Variants in EPC2 observed in about 807,000 individuals in gnomAD.
The protein encoded by EPC2 is enhancer of polycomb homolog 2.
EPC2 carries 14 observed loss-of-function variants against 92.1 expected under a neutral mutation model. The ratio of observed to expected loss-of-function variants is 0.15; its 90% CI spans 0.10 to 0.24. The LOEUF (loss-of-function observed/expected upper bound fraction) is 0.24. EPC2 is among the 10% of genes least tolerant of loss of function. The pLI is 1.00. For missense variants in EPC2, 755 were observed against 971.5 expected, an observed-to-expected ratio of 0.78 and a Z score of 2.96; for synonymous variants, 340 against 334.7, an observed-to-expected ratio of 1.02 and a Z score of -0.17.
At chr2:148,735,741 G>C (rs1318225469) in intron 2 of EPC2, among the ~76,000 whole-genome samples, 2 of 151,766 alleles carry the variant, frequency 1.3e-5, no homozygotes, top group East Asian at 3.9e-4. Flanking sequence ...AATACTGTTA[G>C]AATAATATCA....
chr2:148,648,388 A>G (rs1683849705), intron 1 of EPC2, among the ~76,000 whole-genome samples: 1 of 152,244 alleles, frequency 6.6e-6, no homozygotes, highest in Non-Finnish European at 1.5e-5. Context: ...ATTTCTAAGC[A>G]GCAGTAAAAT....
In EPC2 at chr2:148,785,341, C is replaced by A. The variant is rs1400880405; in HGVS notation, c.2351+340C>A. Among the ~76,000 whole-genome samples the A allele has an allele frequency of 5.3e-5, 8 of 152,008 alleles. No homozygotes were observed. The East Asian group carries it at 1.5e-3, about 29-fold the overall frequency. On this transcript the variant is annotated intron_variant, in intron 13 of 13. Transcript: ENST00000258484. ...ACTCTTCCCCCCACTGCCCGCCCCA[C>A]CCCCGAGATGGAGTCTTGCTGTCTT...
Position 148,691,524 on chromosome 2 carries a change from C to G in EPC2, c.313+1151C>G. Reference sequence around the variant, plus strand: ...TGCTTTTCATTGATTCTGAGATGCACTGTTTTCATCTTTGCAGTGAAATTG... The same window carrying G: ...TGCTTTTCATTGATTCTGAGATGCAGTGTTTTCATCTTTGCAGTGAAATTG... On this transcript the variant is annotated intron_variant, in intron 2 of 13. Coordinates refer to ENST00000258484, the MANE Select transcript of EPC2 (RefSeq NM_015630.4). 3 of 1,550,188 alleles carry G rather than the reference C, an allele frequency of 1.9e-6. No homozygotes were observed. In the African/African-American group the frequency reaches 4.1e-5, roughly 21 times the overall value.
chr2:148,726,123 A>G (rs952809213), intron 2 of EPC2, among the ~76,000 whole-genome samples: 1 of 152,164 alleles, frequency 6.6e-6, no homozygotes, highest in African/African-American at 2.4e-5. Context: ...TCCATGTTGT[A>G]AACAAGATTT....
intron 3 of EPC2, among the ~76,000 whole-genome samples, chr2:148,748,813 C>G (rs926734614): frequency 6.6e-6 from 1 of 150,612 alleles, no homozygotes; most frequent in Non-Finnish European, 1.5e-5. Flanking sequence ...TGTTGGGACT[C>G]AAAAAAAAAT....
At chr2:148,746,956 A>C (rs1682996796) in intron 3 of EPC2, among the ~76,000 whole-genome samples, 1 of 152,180 alleles carries the variant, frequency 6.6e-6, no homozygotes, top group Non-Finnish European at 1.5e-5. Context: ...AGTTTTCTAA[A>C]TATTTGAGAT....
At chr2:148,674,581 G>C (rs890708544) in intron 1 of EPC2, among the ~76,000 whole-genome samples, 4 of 152,174 alleles carry the variant, frequency 2.6e-5, no homozygotes, top group Admixed American at 2.0e-4. Flanking sequence ...GTGGACCCCA[G>C]GTATCCAAAG....
intron 2 of EPC2, chr2:148,691,780 G>A: frequency 2.7e-6 from 2 of 738,644 alleles, no homozygotes; most frequent in Middle Eastern, 4.6e-4. Context: ...CTACCTAAGG[G>A]CAAGTTGAGA....
intron 2 of EPC2, among the ~76,000 whole-genome samples, chr2:148,730,758 C>G (rs1682602097): frequency 6.6e-6 from 1 of 152,192 alleles, no homozygotes; most frequent in African/African-American, 2.4e-5. Context: ...TTAAATACTT[C>G]TTAGTTCATA....
chr2:148,716,753 A>G (rs1682270354), intron 2 of EPC2, among the ~76,000 whole-genome samples: 2 of 152,284 alleles, frequency 1.3e-5, no homozygotes, highest in African/African-American at 2.4e-5. Context: ...TGCAGGCCTT[A>G]TGGAATGAAC....
intron 1 of EPC2, among the ~76,000 whole-genome samples, chr2:148,664,671 C>T (rs1681024514): frequency 6.6e-6 from 1 of 152,200 alleles, no homozygotes; most frequent in South Asian, 2.1e-4. Flanking sequence ...AAACGCTCAT[C>T]TGCTTTCTGT....
chr2:148,711,202 T>C (rs1015704231), intron 2 of EPC2, among the ~76,000 whole-genome samples: 7 of 152,140 alleles, frequency 4.6e-5, no homozygotes, highest in Non-Finnish European at 8.8e-5. Context: ...TCCTAATATA[T>C]GCAGTCAGTC....
rs776431126 is a variant in EPC2, at chr2:148,761,973, A to C, written c.815+43A>C. On this transcript the variant is annotated intron_variant, in intron 5 of 13. Transcript: ENST00000258484. ...ACAACAGTAAAATGACAACTTTACC[A>C]AATGATGGGCAAAATGAACCAAAAG... is the stretch of plus-strand genomic sequence containing the variant. The C allele has an allele frequency of 3.3e-6, 5 of 1,511,010 alleles. No individual in the cohort carries two copies. The Admixed American group carries it at 1.3e-4, about 38-fold the overall frequency. The allele number at this position is 1,511,010 out of a possible 1,614,324, so 93.6% of individuals were successfully genotyped here.
At chr2:148,723,955 A>G (rs903252008) in intron 2 of EPC2, among the ~76,000 whole-genome samples, 9 of 152,082 alleles carry the variant, frequency 5.9e-5, no homozygotes, top group Non-Finnish European at 1.3e-4. Flanking sequence ...TGTTTTAAAA[A>G]TGTCTTCAGT....
At chr2:148,700,878 GA>G (rs1430774186) in intron 2 of EPC2, among the ~76,000 whole-genome samples, 1 of 152,056 alleles carries the variant, frequency 6.6e-6, no homozygotes, top group Non-Finnish European at 1.5e-5. Context: ...CATTTGAGAA[GA>G]ATTGACATAA....
intron 3 of EPC2, among the ~76,000 whole-genome samples, chr2:148,750,288 C>T (rs1025009813): frequency 3.3e-5 from 5 of 151,906 alleles, no homozygotes; most frequent in African/African-American, 9.7e-5. Context: ...TTAGTATCAC[C>T]TTTCTATGGG....
chr2:148,650,359 T>A (rs1185645316), intron 1 of EPC2, among the ~76,000 whole-genome samples: 1 of 152,176 alleles, frequency 6.6e-6, no homozygotes, highest in Non-Finnish European at 1.5e-5. Context: ...CTTACTTTGG[T>A]ACTATGTATA....
At chr2:148,647,677 G>T (rs1162126736) in intron 1 of EPC2, among the ~76,000 whole-genome samples, 1 of 137,248 alleles carries the variant, frequency 7.3e-6, no homozygotes, top group African/African-American at 2.8e-5. Flanking sequence ...TCTGTCGCCA[G>T]GCTGGAGTGC....
At chr2:148,678,339 C>G (rs1042213263) in intron 1 of EPC2, among the ~76,000 whole-genome samples, 41 of 152,376 alleles carry the variant, frequency 2.7e-4, no homozygotes, top group African/African-American at 9.6e-4. Context: ...CTGGCTTCAC[C>G]CAGTGGATCC....
Sources: allele counts gnomAD v4.1 joint callset (sites outside exome capture counted in the v4.1 genomes callset), GRCh38; gene constraint gnomAD v4.1.1; transcripts MANE v1.5; gene names NCBI Gene and HGNC (gene_info 2026-07-23, HGNC 2026-07-21).